Variants in HTR3B observed in about 807,000 individuals in gnomAD.
HTR3B encodes 5-hydroxytryptamine (serotonin) receptor 3B, ionotropic.
A neutral mutation model predicts 42.8 loss-of-function variants in HTR3B; 44 were observed. That is an observed-to-expected ratio of 1.03 (90% CI 0.81 to 1.32). HTR3B has a LOEUF of 1.32. Among genes scored for constraint, HTR3B ranks in the 40% most tolerant of loss-of-function variants. The probability of loss-of-function intolerance (pLI) is 0.00; values close to 1 mark genes in which losing one functional copy is unlikely to be tolerated. For synonymous variants in HTR3B, 203 were observed against 209.0 expected (o/e 0.97, Z 0.25); for missense variants, 527 against 536.5 (o/e 0.98, Z 0.17).
chr11:113,930,628 A>G (rs1460577338), intron 2 of HTR3B, among the ~76,000 whole-genome samples: 2 of 151,468 alleles, frequency 1.3e-5, no homozygotes, highest in Non-Finnish European at 1.5e-5. Flanking sequence ...AGCTGGGACC[A>G]CTAGGTGTGT....
intron 1 of HTR3B, among the ~76,000 whole-genome samples, chr11:113,907,620 A>G (rs1002896194): frequency 4.6e-5 from 7 of 152,216 alleles, no homozygotes; most frequent in African/African-American, 1.7e-4. Context: ...CCCATTCTAG[A>G]AAACATGAGT....
At chr11:113,909,156 TG>T in intron 1 of HTR3B, 138 bp from the exon 2 acceptor site, 1 of 692,654 alleles carries the variant, frequency 1.4e-6, no homozygotes, top group Non-Finnish European at 2.5e-6. Flanking sequence ...CCCCACCAGC[TG>T]GCTGTGAATT....
At chr11:113,904,630 C>T (rs1201845731), upstream of HTR3B, 12 of 324,294 alleles carry the variant, frequency 3.7e-5, no homozygotes, top group East Asian at 7.3e-4. Flanking sequence ...TCTTAGATTA[C>T]ATTATTCACT....
chr11:113,904,593 G>A (rs554950504), upstream of HTR3B: 11 of 221,574 alleles, frequency 5.0e-5, no homozygotes, highest in South Asian at 9.3e-4. Context: ...TCATATTAGT[G>A]TGGAATTTCC....
intron 6 of HTR3B, among the ~76,000 whole-genome samples, chr11:113,938,264 A>G (rs926320218): frequency 6.6e-6 from 1 of 152,152 alleles, no homozygotes; most frequent in Non-Finnish European, 1.5e-5. Context: ...CCCAAAATTC[A>G]CTTCTGCTCC....
At chr11:113,900,735 C>T (rs1044042170), upstream of HTR3B, among the ~76,000 whole-genome samples, 1 of 152,122 alleles carries the variant, frequency 6.6e-6, no homozygotes, top group African/African-American at 2.4e-5. Flanking sequence ...TCAGGTGATC[C>T]ACGAGACTGG....
At chr11:113,900,011 A>G (rs1156676750), upstream of HTR3B, among the ~76,000 whole-genome samples, 2 of 152,142 alleles carry the variant, frequency 1.3e-5, no homozygotes, top group African/African-American at 2.4e-5. Flanking sequence ...TTACACCTGT[A>G]ATCTTAAAAC....
intron 2 of HTR3B, among the ~76,000 whole-genome samples, chr11:113,917,379 C>A (rs1205676926): frequency 1.3e-5 from 2 of 152,038 alleles, no homozygotes; most frequent in African/African-American, 4.8e-5. Flanking sequence ...GTGATCCACC[C>A]ACCTTGGCCT....
rs564311899 is a variant in HTR3B, at chr11:113,932,400, T to C, written c.480T>C (p.Tyr160=). 32 of 1,614,182 alleles carry C rather than the reference T, an allele frequency of 2.0e-5. No individual in the cohort carries two copies. The highest frequency in any genetic ancestry group is 1.9e-4 in the South Asian group (17 of 91,086). ...QVVSACSLET[Y]AFPFDVQNCS... is the part of the protein sequence containing the mutation. ...TCTCTGCGTGCAGTTTAGAGACATA[T>C]GCTTTTCCATTTGATGTCCAGAATT... Residue 160 remains tyrosine, a synonymous_variant, in exon 5 of 9, where the codon TAT becomes TAC. Transcript: ENST00000260191.
chr11:113,948,108 A>G lies in HTR3B; in HGVS notation c.*1971A>G, dbSNP rs1375121990. Among the ~76,000 whole-genome samples the G allele has an allele frequency of 6.6e-6, 1 of 152,178 alleles. No homozygotes were observed. The highest frequency in any genetic ancestry group is 1.5e-5 in the Non-Finnish European group (1 of 68,042). On this transcript the variant is annotated 3_prime_UTR_variant, in exon 9 of 9. Coordinates refer to ENST00000260191, the MANE Select transcript of HTR3B (RefSeq NM_006028.5). ...AAATTCCACTGCTGCTGTTAATGAA[A>G]TGAGGAACATAAGAAGTTTGTGAAC...
chr11:113,943,266 G>GCCACCATGCC, intron 7 of HTR3B, 74 bp downstream of exon 7: 2 of 1,269,772 alleles, frequency 1.6e-6, no homozygotes, highest in Non-Finnish European at 2.2e-6. Context: ...GCCAGGCATG[G>GCCACCATGCC]TGGCTCATGC....
chr11:113,936,500 A>C (rs2137529735), intron 6 of HTR3B, among the ~76,000 whole-genome samples: 2 of 152,274 alleles, frequency 1.3e-5, no homozygotes, highest in South Asian at 4.1e-4. Context: ...TGCAGCTTAT[A>C]AACTTGATAG....
At chr11:113,913,405 T>C (rs1318554490) in intron 2 of HTR3B, among the ~76,000 whole-genome samples, 2 of 143,924 alleles carry the variant, frequency 1.4e-5, no homozygotes, top group Non-Finnish European at 3.0e-5. Context: ...GAGATGGAGT[T>C]TCACCATGTT....
chr11:113,917,794 G>T (rs1207752527), intron 2 of HTR3B, among the ~76,000 whole-genome samples: 1 of 151,978 alleles, frequency 6.6e-6, no homozygotes, highest in Non-Finnish European at 1.5e-5. Flanking sequence ...TGGTAGAGAC[G>T]GGGTTTTGCC....
intron 2 of HTR3B, among the ~76,000 whole-genome samples, chr11:113,928,301 T>C (rs1172642733): frequency 6.6e-6 from 1 of 152,186 alleles, no homozygotes; most frequent in Non-Finnish European, 1.5e-5. Flanking sequence ...GGCATTTGGG[T>C]TGATTCCATG....
intron 1 of HTR3B, 137 bp downstream of exon 1, chr11:113,905,122 G>A (rs771586388): frequency 2.2e-5 from 14 of 626,922 alleles, no homozygotes; most frequent in Admixed American, 8.7e-5. Flanking sequence ...CCAGTCCTGT[G>A]AAGCTATATG....
intron 7 of HTR3B, among the ~76,000 whole-genome samples, chr11:113,944,264 C>G (rs555694636): frequency 2.0e-5 from 3 of 152,046 alleles, no homozygotes; most frequent in Admixed American, 6.6e-5. Flanking sequence ...GTGATCCACC[C>G]GCCTCAGCCT....
intron 6 of HTR3B, among the ~76,000 whole-genome samples, chr11:113,938,966 G>C (rs558157131): frequency 1.6e-4 from 25 of 152,136 alleles, no homozygotes; most frequent in African/African-American, 5.8e-4. Context: ...TTGTACTCCA[G>C]TCTGGGCAAT....
chr11:113,922,313 C>T (rs1286247992), intron 2 of HTR3B, among the ~76,000 whole-genome samples: 1 of 151,890 alleles, frequency 6.6e-6, no homozygotes, highest in Non-Finnish European at 1.5e-5. Flanking sequence ...GACCTCAGTT[C>T]ACTGCAACCT....
Sources: allele counts gnomAD v4.1 joint callset (sites outside exome capture counted in the v4.1 genomes callset), GRCh38; gene constraint gnomAD v4.1.1; transcripts MANE v1.5; gene names NCBI Gene and HGNC (gene_info 2026-07-23, HGNC 2026-07-21).